Variants in RGS22 observed in about 807,000 individuals in gnomAD.
RGS22 encodes the protein regulator of G protein signaling 22.
RGS22 carries 148 observed loss-of-function variants against 172.9 expected under a neutral mutation model. The ratio of observed to expected loss-of-function variants is 0.86; its 90% confidence interval spans 0.75 to 0.98. The LOEUF (loss-of-function observed/expected upper bound fraction) is 0.98, where lower values mean the gene tolerates loss of function less well. RGS22 is among the 50% of genes least tolerant of loss of function. RGS22 has a pLI of 0.00. For synonymous variants in RGS22, 458 were observed against 480.2 expected, an observed-to-expected ratio of 0.95 and a Z score of 0.60; for missense variants, 1,347 against 1,440.8, an observed-to-expected ratio of 0.93 and a Z score of 1.05.
rs1248335269 is a variant in RGS22 at position 100,051,588 on chromosome 8, TATATAA to T, written c.1689+1208_1689+1213del. ...ATATATATTTATATATGTTTATACA[TATATAA>T]ATATATATTTATATATGTTTATACA... On this transcript the variant is annotated intron_variant, in intron 10 of 27. Transcript: ENST00000360863. 5.2e-4 allele frequency among the ~76,000 whole-genome samples: 16 copies of T among 30,698 alleles called. 6 individuals are homozygous for T. Among genetic ancestry groups the T allele is most frequent in the Admixed American group, 2.5e-3 (4 of 1,614 alleles). The allele number at this position is 30,698 out of a possible 152,430, so 20.1% of individuals were successfully genotyped here.
At chr8:99,985,819 C>T (rs1392378593) in intron 21 of RGS22, among the ~76,000 whole-genome samples, 2 of 151,996 alleles carry the variant, frequency 1.3e-5, no homozygotes, top group South Asian at 2.1e-4. Context: ...TTTTAAAATA[C>T]CTATTTTACA....
At chr8:100,009,955 T>C (rs1471216242) in intron 14 of RGS22, among the ~76,000 whole-genome samples, 2 of 152,212 alleles carry the variant, frequency 1.3e-5, no homozygotes, top group African/African-American at 4.8e-5. Flanking sequence ...ATGGTTATAA[T>C]ACAGGACGGT....
Position 100,088,169 on chromosome 8 carries a change from G to A in RGS22, c.117+5278C>T, listed in dbSNP as rs191827311. On this transcript the variant is annotated intron_variant, in intron 3 of 27. Coordinates refer to ENST00000360863, the MANE Select transcript of RGS22 (RefSeq NM_015668.5). Reference sequence around the variant, plus strand: ...CATAAAGCTGCAAGAAATTATAACTGTTTACGGATTGTAAAAAGTGTGGAG... The same window carrying A: ...CATAAAGCTGCAAGAAATTATAACTATTTACGGATTGTAAAAAGTGTGGAG... Among the ~76,000 whole-genome samples the A allele has an allele frequency of 2.5e-3, 373 of 152,120 alleles. 2 individuals are homozygous for A. Among genetic ancestry groups the A allele is most frequent in the African/African-American group, 8.5e-3 (354 of 41,512 alleles).
chr8:99,973,097 A>AC (rs1242175064), intron 23 of RGS22, among the ~76,000 whole-genome samples: 27 of 152,264 alleles, frequency 1.8e-4, no homozygotes, highest in African/African-American at 5.3e-4. Context: ...ATTGTGGAAG[A>AC]CAGTATGGTG....
chr8:100,087,393 C>G (rs1812242059), intron 3 of RGS22, among the ~76,000 whole-genome samples: 1 of 152,044 alleles, frequency 6.6e-6, no homozygotes, highest in South Asian at 2.1e-4. Flanking sequence ...GTGGTGAAAG[C>G]TAACTTTGTA....
chr8:100,096,385 C>T (rs1812969556), intron 2 of RGS22, among the ~76,000 whole-genome samples: 1 of 152,170 alleles, frequency 6.6e-6, no homozygotes, highest in South Asian at 2.1e-4. Flanking sequence ...AAGGTAGGAA[C>T]ACTTCTTCAG....
chr8:100,058,014 G>T (rs1428010147), intron 9 of RGS22, among the ~76,000 whole-genome samples: 4 of 152,056 alleles, frequency 2.6e-5, no homozygotes. Context: ...ATTTAACAAA[G>T]ATATTAAAAT....
At chr8:100,042,344 T>C (rs1285485139) in intron 11 of RGS22, among the ~76,000 whole-genome samples, 1 of 152,176 alleles carries the variant, frequency 6.6e-6, no homozygotes, top group East Asian at 1.9e-4. Flanking sequence ...TAAATGAAGG[T>C]AGGTATGGAA....
chr8:100,055,799 G>A (rs908799960), intron 9 of RGS22, among the ~76,000 whole-genome samples: 15 of 152,162 alleles, frequency 9.9e-5, no homozygotes, highest in African/African-American at 2.4e-4. Flanking sequence ...TTCCAGCCAT[G>A]TGGAACTGTG....
At position 99,996,545 on chromosome 8, in the gene RGS22, A is replaced by C. The variant is rs199873160; in HGVS notation, c.2950-15T>G. 31 of 1,603,832 alleles carry C rather than the reference A, an allele frequency of 1.9e-5. No homozygotes were observed. The highest frequency in any genetic ancestry group is 2.6e-6 in the Non-Finnish European group (3 of 1,172,342). On this transcript the variant is annotated splice_polypyrimidine_tract_variant and intron_variant, in intron 19 of 27. Transcript: ENST00000360863. Reference sequence around the variant, plus strand: ...TTCATCTGTACCTGAAAGCAAAACCAATTATTTTATCCCAGTTATTCAGAC... The same window carrying C: ...TTCATCTGTACCTGAAAGCAAAACCCATTATTTTATCCCAGTTATTCAGAC...
In RGS22 at chr8:99,986,145, G is replaced by A. The variant is rs142034061; in HGVS notation, c.3180+1313C>T. Among the ~76,000 whole-genome samples the A allele has an allele frequency of 2.2e-4, 34 of 152,012 alleles. 1 individual carries two copies. The East Asian group carries it at 3.5e-3, about 16-fold the overall frequency. On this transcript the variant is annotated intron_variant, in intron 21 of 27. Coordinates refer to ENST00000360863, the MANE Select transcript of RGS22 (RefSeq NM_015668.5). ...CTTGGGAGGCTGAGGTGGGAAGATC[G>A]CTTGAGCCCAGCAGGTCAAGGCTGC...
chr8:100,073,104 T>C (rs1451998885), intron 4 of RGS22, among the ~76,000 whole-genome samples: 1 of 152,224 alleles, frequency 6.6e-6, no homozygotes, highest in African/African-American at 2.4e-5. Context: ...TTTCTAGAAT[T>C]CTAAATAATA....
chr8:100,076,115 T>A (rs1811329736), intron 4 of RGS22, among the ~76,000 whole-genome samples: 1 of 152,234 alleles, frequency 6.6e-6, no homozygotes, highest in Non-Finnish European at 1.5e-5. Context: ...TTTTATAGTT[T>A]AGATACACAT....
intron 2 of RGS22, among the ~76,000 whole-genome samples, chr8:100,099,557 TGACA>T (rs1813299784): frequency 6.6e-6 from 1 of 152,224 alleles, no homozygotes; most frequent in Non-Finnish European, 1.5e-5. Context: ...TGGGGACTAA[TGACA>T]ATGTTTGTCC....
intron 3 of RGS22, among the ~76,000 whole-genome samples, chr8:100,084,775 T>C: frequency 6.6e-6 from 1 of 152,224 alleles, no homozygotes; most frequent in Non-Finnish European, 1.5e-5. Flanking sequence ...CAAGTGCCAA[T>C]TATTGCCCTA....
At position 99,978,081 on chromosome 8, in the gene RGS22, T is replaced by TA. The variant is rs753553881; in HGVS notation, c.3361-7dup. ...AGAACCCCAAAAATTGTCATCTGTA[T>TA]AAAAAAAAGTCTAAGATTACAATTT... On this transcript the variant is annotated splice_polypyrimidine_tract_variant and splice_region_variant and intron_variant, in intron 22 of 27. Transcript: ENST00000360863. 57 of 1,493,200 alleles carry TA rather than the reference T, an allele frequency of 3.8e-5. No homozygotes were observed. Among genetic ancestry groups the TA allele is most frequent in the African/African-American group, 4.4e-5 (3 of 68,664 alleles). The allele number at this position is 1,493,200 out of a possible 1,614,324, so 92.5% of individuals were successfully genotyped here. A position where few individuals can be genotyped will look rare whatever the true frequency, so the allele number is the denominator to read the frequency against.
chr8:100,061,371 C>T (rs1333583022), intron 9 of RGS22, among the ~76,000 whole-genome samples: 1 of 152,126 alleles, frequency 6.6e-6, no homozygotes, highest in African/African-American at 2.4e-5. Flanking sequence ...AGTGAACAGA[C>T]AACCTATGGA....
At chr8:99,985,148 A>G (rs940656413) in intron 21 of RGS22, among the ~76,000 whole-genome samples, 3 of 152,192 alleles carry the variant, frequency 2.0e-5, no homozygotes, top group Non-Finnish European at 4.4e-5. Flanking sequence ...TTCAAAGTCT[A>G]GCTCTACCAG....
At chr8:100,029,516 G>C (rs1256751762) in intron 14 of RGS22, among the ~76,000 whole-genome samples, 1 of 151,772 alleles carries the variant, frequency 6.6e-6, no homozygotes, top group Non-Finnish European at 1.5e-5. Flanking sequence ...AGCCTGACCA[G>C]CATGGTGAAA....
Sources: allele counts gnomAD v4.1 joint callset (sites outside exome capture counted in the v4.1 genomes callset), GRCh38; gene constraint gnomAD v4.1.1; transcripts MANE v1.5; gene names NCBI Gene and HGNC (gene_info 2026-07-23, HGNC 2026-07-21).